The following RPS6KB2 variants were observed in gnomAD, a reference collection of about 807,000 sequenced individuals.
RPS6KB2 encodes the protein ribosomal protein S6 kinase beta-2.
In RPS6KB2, 51 loss-of-function variants were observed where a neutral mutation model predicts 58.2. The observed-to-expected ratio is 0.88, with a 90% CI of 0.70 to 1.11. The LOEUF is 1.11. Ranked by LOEUF, RPS6KB2 falls within the 50% of genes least tolerant of loss-of-function variation. The probability of loss-of-function intolerance (pLI) is 0.00; values close to 1 mark genes in which losing one functional copy is unlikely to be tolerated. For missense variants in RPS6KB2, 671 were observed against 655.8 expected (o/e 1.02, Z -0.25); for synonymous variants, 293 against 258.6 (o/e 1.13, Z -1.28).
At chr11:67,432,534 TAAAG>T in intron 5 of RPS6KB2, 62 bp from the exon 6 acceptor site, 2 of 1,552,392 alleles carry the variant, frequency 1.3e-6, no homozygotes, top group Non-Finnish European at 1.8e-6. Flanking sequence ...CAAGAAGAAA[TAAAG>T]ACTCAGAAAG....
chr11:67,432,013 G>A, intron 5 of RPS6KB2: 1 of 308,692 alleles, frequency 3.2e-6, no homozygotes, highest in Non-Finnish European at 6.3e-6. Context: ...AGAGCCTGGG[G>A]CTGCTCCCAG....
At position 67,432,968 on chromosome 11, in the gene RPS6KB2, C is replaced by G. The variant is rs201418926; in HGVS notation, c.633C>G (p.Thr211=). The G allele has an allele frequency of 6.2e-7, 1 of 1,613,248 alleles. No individual in the cohort carries two copies. The highest frequency in any genetic ancestry group is 2.2e-5 in the East Asian group (1 of 44,896). Residue 211 remains threonine, a synonymous_variant, in exon 8 of 15, where the codon ACC becomes ACG. Coordinates refer to ENST00000312629, the MANE Select transcript of RPS6KB2 (RefSeq NM_003952.3). ...MLSSQGHIKL[T]DFGLCKESIH... ...CTTCCTCAGGCCACATCAAACTGACCGACTTTGGACTCTGCAAGGAGTCTA... is the reference window on the plus strand; with the variant it reads ...CTTCCTCAGGCCACATCAAACTGACGGACTTTGGACTCTGCAAGGAGTCTA...
intron 5 of RPS6KB2, 170 bp from the exon 6 acceptor site, chr11:67,432,430 G>C (rs941395203): frequency 2.7e-6 from 2 of 749,638 alleles, no homozygotes; most frequent in Non-Finnish European, 4.7e-6. Flanking sequence ...GCCAGGCACC[G>C]AGTAGGCGTC....
rs1184663137 is a variant in RPS6KB2 at position 67,434,203 on chromosome 11, T to C, written c.975T>C (p.His325=). 1 of 1,613,878 alleles carries C rather than the reference T, an allele frequency of 6.2e-7. No individual in the cohort carries two copies. Among genetic ancestry groups the C allele is most frequent in the East Asian group, 2.2e-5 (1 of 44,884 alleles). The change falls in exon 12 of 15, where the codon CAT becomes CAC. Residue 325 remains histidine (H), a synonymous_variant. Transcript: ENST00000312629. ...GPGDAADVQR[H]PFFRHMNWDD... ...GGTGCATTCTCTACCTACAGAGACA[T>C]CCCTTTTTCCGGCACATGAATTGGG...
At position 67,433,350 on chromosome 11, in the gene RPS6KB2, C is replaced by G; in HGVS notation, c.809C>G (p.Thr270Ser). ...YDMLTGSPPF[T>S]AENRKKTMDK... is the part of the protein sequence containing the mutation. Reference sequence around the variant, plus strand: ...TTCCTCCTCCTCCAGCCGCCCTTCACCGCAGAGAACCGGAAGAAAACCATG... The same window carrying G: ...TTCCTCCTCCTCCAGCCGCCCTTCAGCGCAGAGAACCGGAAGAAAACCATG... Residue 270 changes from threonine to serine, a missense_variant, in exon 10 of 15, where the codon ACC becomes AGC. Coordinates refer to ENST00000312629, the MANE Select transcript of RPS6KB2 (RefSeq NM_003952.3). The G allele has an allele frequency of 6.2e-7, 1 of 1,613,776 alleles. No individual in the cohort carries two copies. The highest frequency in any genetic ancestry group is 8.5e-7 in the Non-Finnish European group (1 of 1,179,820).
chr11:67,432,979 T>C lies in RPS6KB2; in HGVS notation c.644T>C (p.Leu215Pro). 1.2e-6 allele frequency: 2 copies of C among 1,613,406 alleles called. No homozygotes were observed. Among genetic ancestry groups the C allele is most frequent in the Non-Finnish European group, 1.7e-6 (2 of 1,180,032 alleles). ...QGHIKLTDFGLCKESIHEGAV... is the reference protein window; with the variant it reads ...QGHIKLTDFGPCKESIHEGAV... ...CACATCAAACTGACCGACTTTGGAC[T>C]CTGCAAGGAGTCTATCCATGAGGGC... The change falls in exon 8 of 15, where the codon CTC becomes CCC. Residue 215 changes from leucine to proline, a missense_variant. Transcript: ENST00000312629.
Position 67,429,563 on chromosome 11 carries a change from G to A in RPS6KB2, c.277G>A (p.Gly93Ser), listed in dbSNP as rs1325146358. 6.2e-7 allele frequency: 1 copy of A among 1,613,170 alleles called. No individual in the cohort carries two copies. The highest frequency in any genetic ancestry group is 8.5e-7 in the Non-Finnish European group (1 of 1,179,748). The change falls in exon 4 of 15, where the codon GGC (glycine) becomes AGC (serine). Residue 93 changes from glycine to serine, a missense_variant. Physicochemically the swap from Gly to Ser is moderately conservative, Grantham distance 56. Coordinates refer to ENST00000312629, the MANE Select transcript of RPS6KB2 (RefSeq NM_003952.3). Reference protein sequence around the residue: ...QVRKVQGTNLGKIYAMKVLRK... With the variant: ...QVRKVQGTNLSKIYAMKVLRK... ...GCGAAAGGTGCAAGGCACCAACTTG[G>A]GCAAAATATATGCCATGAAAGTCCT...
Position 67,433,062 on chromosome 11 carries a change from C to G in RPS6KB2, c.707+20C>G. On this transcript the variant is annotated intron_variant, in intron 8 of 14. Coordinates refer to ENST00000312629, the MANE Select transcript of RPS6KB2 (RefSeq NM_003952.3). ...GTACATGTAAGTGGCACCTGGCTGGCCCAGGGGTCGGGAGGACAGCCCGAA... is the reference window on the plus strand; with the variant it reads ...GTACATGTAAGTGGCACCTGGCTGGGCCAGGGGTCGGGAGGACAGCCCGAA... 1 of 1,612,678 alleles carries G rather than the reference C, an allele frequency of 6.2e-7. No individual in the cohort carries two copies. The highest frequency in any genetic ancestry group is 2.2e-5 in the East Asian group (1 of 44,892).
chr11:67,433,907 A>C lies in RPS6KB2; in HGVS notation c.907-88A>C, dbSNP rs7928164. 3.6e-3 allele frequency: 5,164 copies of C among 1,442,322 alleles called. 17 individuals are homozygous for C. The highest frequency in any genetic ancestry group is 0.011 in the Middle Eastern group (64 of 5,738). The allele number at this position is 1,442,322 out of a possible 1,614,324, so 89.3% of individuals were successfully genotyped here. A position where few individuals can be genotyped will look rare whatever the true frequency, so the allele number is the denominator to read the frequency against. On this transcript the variant is annotated intron_variant, in intron 10 of 14. Transcript: ENST00000312629. Reference sequence around the variant, plus strand: ...ACCCAAAAGCATTCTCTCCCATGTCACCTGACCCCTACTCCAGCTAGCCCT... The same window carrying C: ...ACCCAAAAGCATTCTCTCCCATGTCCCCTGACCCCTACTCCAGCTAGCCCT...
At chr11:67,433,586 A>T (rs1008571376) in intron 10 of RPS6KB2, 139 bp downstream of exon 10, 16 of 684,546 alleles carry the variant, frequency 2.3e-5, no homozygotes, top group Non-Finnish European at 3.5e-5. Flanking sequence ...CCCTCCCTTG[A>T]AGTCAGGGAT....
chr11:67,429,512 T>G lies in RPS6KB2; in HGVS notation c.241-15T>G. On this transcript the variant is annotated splice_polypyrimidine_tract_variant and intron_variant, in intron 3 of 14. Transcript: ENST00000312629. Reference sequence around the variant, plus strand: ...TGTGGAGAGGGAAGTTGATCCTGTCTCCCCTGCCCTACAGGTGTTCCAGGT... The same window carrying G: ...TGTGGAGAGGGAAGTTGATCCTGTCGCCCCTGCCCTACAGGTGTTCCAGGT... 6.2e-7 allele frequency: 1 copy of G among 1,611,052 alleles called. No homozygotes were observed. The highest frequency in any genetic ancestry group is 8.5e-7 in the Non-Finnish European group (1 of 1,178,558).
rs1453756206 is a variant in RPS6KB2 at position 67,433,106 on chromosome 11, C to T, written c.708-20C>T. The stretch of plus-strand genomic sequence containing the variant: ...GCCCGAAGGGGCACGGCCTGACTGA[C>T]AGTTCCACCTGGACCCCAGGGCCCC... On this transcript the variant is annotated intron_variant, in intron 8 of 14. Transcript: ENST00000312629. 2 of 1,608,570 alleles carry T rather than the reference C, an allele frequency of 1.2e-6. No individual in the cohort carries two copies. Among genetic ancestry groups the T allele is most frequent in the Admixed American group, 1.7e-5 (1 of 59,220 alleles).
chr11:67,435,331 T>C lies in RPS6KB2; in HGVS notation c.*162T>C. The C allele has an allele frequency of 1.3e-6, 1 of 751,446 alleles. No individual in the cohort carries two copies. 46.5% of individuals were successfully genotyped at this position (751,446 alleles called of 1,614,324 possible). On this transcript the variant is annotated 3_prime_UTR_variant, in exon 15 of 15. Coordinates refer to ENST00000312629, the MANE Select transcript of RPS6KB2 (RefSeq NM_003952.3). ...CTGGGGCAGCTGTGCCCCTGAATCA[T>C]GGGCACGGAGGGCCGCCCGCCACGC...
At chr11:67,432,476 G>T (rs868471954) in intron 5 of RPS6KB2, 124 bp from the exon 6 acceptor site, 5 of 994,368 alleles carry the variant, frequency 5.0e-6, no homozygotes, top group Middle Eastern at 4.8e-4. Context: ...AATCCCCACG[G>T]CAGCTCTGTG....
At chr11:67,432,280 T>C (rs1864050252) in intron 5 of RPS6KB2, 3 of 593,996 alleles carry the variant, frequency 5.1e-6, no homozygotes, top group South Asian at 3.0e-5. Flanking sequence ...GCGAGATCTT[T>C]TGGGCTAAGC....
In RPS6KB2 at chr11:67,434,971, C is replaced by T. The variant is rs760063923; in HGVS notation, c.1269-18C>T. On this transcript the variant is annotated intron_variant, in intron 14 of 14. Coordinates refer to ENST00000312629, the MANE Select transcript of RPS6KB2 (RefSeq NM_003952.3). ...CAGGGCCTAGGAGGCTCTTATTCTG[C>T]CTTGGTTTCCCCTGCAGCCCCCTCA... 1.2e-6 allele frequency: 2 copies of T among 1,611,602 alleles called. No individual in the cohort carries two copies. The highest frequency in any genetic ancestry group is 1.1e-5 in the South Asian group (1 of 90,998).
At chr11:67,429,667 G>A in intron 4 of RPS6KB2, 72 bp downstream of exon 4, 1 of 1,241,604 alleles carries the variant, frequency 8.1e-7, no homozygotes, top group Non-Finnish European at 1.2e-6. Flanking sequence ...GCTTTGGGAA[G>A]ACAGCAGGGA....
At chr11:67,429,302 C>A in intron 3 of RPS6KB2, 62 bp downstream of exon 3, 1 of 1,598,782 alleles carries the variant, frequency 6.3e-7, no homozygotes, top group Non-Finnish European at 8.5e-7. Context: ...GCAAAGGGTT[C>A]TCAAAACAAA....
intron 3 of RPS6KB2, 65 bp downstream of exon 3, chr11:67,429,305 A>C (rs1590970043): frequency 1.9e-6 from 3 of 1,596,408 alleles, no homozygotes; most frequent in East Asian, 2.2e-5. Flanking sequence ...AAGGGTTCTC[A>C]AAACAAATTA....
Sources: gnomAD v4.1 joint callset for allele counts on GRCh38, gnomAD v4.1.1 for gene constraint, MANE v1.5 for transcripts, NCBI Gene and HGNC (gene_info 2026-07-23, HGNC 2026-07-21) for gene names.